PPP1R13B: variants seen among roughly 807,000 people sequenced by gnomAD.
PPP1R13B encodes the protein apoptosis-stimulating of p53 protein 1.
In PPP1R13B, 44 loss-of-function variants were observed where a neutral mutation model predicts 119.8. That is an observed-to-expected ratio of 0.37 (90% CI 0.29 to 0.47). The LOEUF is 0.47. Ranked by LOEUF, PPP1R13B falls within the 20% of genes least tolerant of loss-of-function variation. The pLI, the probability that PPP1R13B is intolerant of heterozygous loss-of-function variation, is 0.99. For missense variants in PPP1R13B, 1,227 were observed against 1,413.5 expected, an observed-to-expected ratio of 0.87 and a Z score of 2.12; for synonymous variants, 542 against 561.5, an observed-to-expected ratio of 0.97 and a Z score of 0.49.
At chr14:103,826,858 A>C (rs895432685) in intron 1 of PPP1R13B, among the ~76,000 whole-genome samples, 3 of 151,564 alleles carry the variant, frequency 2.0e-5, no homozygotes, top group Admixed American at 1.3e-4. Context: ...AATACAAAAA[A>C]AAAATTAGCT....
chr14:103,772,160 T>C (rs2085085462), intron 4 of PPP1R13B, among the ~76,000 whole-genome samples: 1 of 147,832 alleles, frequency 6.8e-6, no homozygotes, highest in Non-Finnish European at 1.5e-5. Flanking sequence ...TGTTGTAGCA[T>C]GTATTAGTAG....
At position 103,757,684 on chromosome 14, in the gene PPP1R13B, T is replaced by G; in HGVS notation, c.422A>C (p.Gln141Pro). Residue 141 changes from glutamine (Q) to proline (P), a missense_variant, in exon 5 of 17, where the codon CAG becomes CCG. Coordinates refer to ENST00000202556, the MANE Select transcript of PPP1R13B (RefSeq NM_015316.3). Reference protein sequence around the residue: ...LQDMAARQQQQIENQQQMLVA... With the variant: ...LQDMAARQQQPIENQQQMLVA... ...CAACATCTGCTGCTGATTTTCAATC[T>G]GCTGCTGTTGCCTAGCTGCCATATC... The G allele has an allele frequency of 3.1e-6, 5 of 1,614,138 alleles. No homozygotes were observed. The highest frequency in any genetic ancestry group is 4.2e-6 in the Non-Finnish European group (5 of 1,179,972).
chr14:103,834,283 C>T (rs555359228), intron 1 of PPP1R13B, among the ~76,000 whole-genome samples: 4 of 152,130 alleles, frequency 2.6e-5, no homozygotes, highest in Admixed American at 6.5e-5. Flanking sequence ...GGCTGAGGCA[C>T]GAGAATCACT....
intron 1 of PPP1R13B, among the ~76,000 whole-genome samples, chr14:103,830,809 T>TG (rs1253140318): frequency 1.2e-4 from 18 of 152,172 alleles, no homozygotes; most frequent in African/African-American, 4.3e-4. Context: ...ATTGAGAACC[T>TG]AGGGTATGGT....
At chr14:103,739,190 G>C (rs1263695156) in intron 12 of PPP1R13B, 167 bp from the exon 13 acceptor site, 1 of 846,108 alleles carries the variant, frequency 1.2e-6, no homozygotes, top group East Asian at 2.6e-5. Flanking sequence ...CTCAAATAAG[G>C]GCCAGGGCCA....
At chr14:103,778,644 G>A in intron 4 of PPP1R13B, 101 bp downstream of exon 4, 1 of 885,126 alleles carries the variant, frequency 1.1e-6, no homozygotes, top group Non-Finnish European at 1.9e-6. Flanking sequence ...GCCCTCATGT[G>A]ATCCTCCCAC....
At chr14:103,767,125 G>A (rs1261868167) in intron 4 of PPP1R13B, among the ~76,000 whole-genome samples, 10 of 152,070 alleles carry the variant, frequency 6.6e-5, no homozygotes, top group Non-Finnish European at 1.5e-4. Context: ...AAGCCAGCCT[G>A]GGCAACATAT....
chr14:103,769,103 T>A (rs2085004575), intron 4 of PPP1R13B, among the ~76,000 whole-genome samples: 1 of 152,230 alleles, frequency 6.6e-6, no homozygotes, highest in South Asian at 2.1e-4. Context: ...TTCTGTTTTT[T>A]GAGATGGAGT....
In PPP1R13B at chr14:103,764,433, T is replaced by C; in HGVS notation, c.355-6682A>G. On this transcript the variant is annotated intron_variant, in intron 4 of 16. Coordinates refer to ENST00000202556, the MANE Select transcript of PPP1R13B (RefSeq NM_015316.3). ...GAGATGTCTATTTTTAAGTTGGTTGTCTTCTTCTTGTTGAATTGTAACAGT... is the reference window on the plus strand; with the variant it reads ...GAGATGTCTATTTTTAAGTTGGTTGCCTTCTTCTTGTTGAATTGTAACAGT... 3 of 348,986 alleles carry C rather than the reference T, an allele frequency of 8.6e-6. 1 individual carries two copies. The highest frequency in any genetic ancestry group is 6.6e-5 in the South Asian group (3 of 45,712). The allele number at this position is 348,986 out of a possible 1,614,324, so 21.6% of individuals were successfully genotyped here. A position where few individuals can be genotyped will look rare whatever the true frequency, so the allele number is the denominator to read the frequency against.
In PPP1R13B at chr14:103,746,408, A is replaced by G; in HGVS notation, c.1115T>C (p.Ile372Thr). 2 of 1,613,136 alleles carry G rather than the reference A, an allele frequency of 1.2e-6. No individual in the cohort carries two copies. The highest frequency in any genetic ancestry group is 1.7e-4 in the Middle Eastern group (1 of 6,056). Residue 372 changes from isoleucine to threonine, a missense_variant, in exon 9 of 17, where the codon ATT becomes ACT. By Grantham distance (89) the Ile-to-Thr change is moderately conservative. Transcript: ENST00000202556. Reference sequence around the variant, plus strand: ...TCTTCCATGAGCAGCATTTGAGGCAATACTGAGAGACTGGGGCTTTATAGG... The same window carrying G: ...TCTTCCATGAGCAGCATTTGAGGCAGTACTGAGAGACTGGGGCTTTATAGG... ...GDPIKPQSLS[I>T]ASNAAHGRSK...
intron 1 of PPP1R13B, among the ~76,000 whole-genome samples, chr14:103,839,090 G>A (rs570567857): frequency 6.6e-5 from 10 of 152,098 alleles, no homozygotes; most frequent in Non-Finnish European, 1.2e-4. Context: ...TCTGCTCACC[G>A]CAATCTCTGC....
At chr14:103,779,752 G>T (rs561956839) in intron 3 of PPP1R13B, among the ~76,000 whole-genome samples, 14 of 152,086 alleles carry the variant, frequency 9.2e-5, no homozygotes, top group African/African-American at 3.4e-4. Context: ...GCACCATTGC[G>T]CTCCAGCCCA....
Position 103,733,555 on chromosome 14 carries a change from G to T in PPP1R13B, c.*1599C>A, listed in dbSNP as rs993066626. ...TGATCCTTTGATACTTCACCAAGGG[G>T]AACGTGGGGGCTTTGTGTTTTGTAC... is the stretch of plus-strand genomic sequence containing the variant. On this transcript the variant is annotated 3_prime_UTR_variant, in exon 17 of 17. Coordinates refer to ENST00000202556, the MANE Select transcript of PPP1R13B (RefSeq NM_015316.3). 2.6e-5 allele frequency: 4 copies of T among 153,400 alleles called. No individual in the cohort carries two copies. In the East Asian group the frequency reaches 7.7e-4, roughly 29 times the overall value. The allele number at this position is 153,400 out of a possible 1,614,324, so 9.5% of individuals were successfully genotyped here. A position where few individuals can be genotyped will look rare whatever the true frequency, so the allele number is the denominator to read the frequency against.
intron 1 of PPP1R13B, among the ~76,000 whole-genome samples, chr14:103,825,408 G>A (rs1377713613): frequency 6.6e-6 from 1 of 152,164 alleles, no homozygotes; most frequent in Non-Finnish European, 1.5e-5. Context: ...AGCTGAGATA[G>A]GCTGAAAGCT....
intron 16 of PPP1R13B, among the ~76,000 whole-genome samples, chr14:103,735,488 G>A (rs1015129712): frequency 2.6e-5 from 4 of 152,226 alleles, no homozygotes; most frequent in African/African-American, 9.7e-5. Flanking sequence ...GTCTCTGCCT[G>A]GCTCCCTGCT....
At chr14:103,775,926 T>C (rs549515483) in intron 4 of PPP1R13B, among the ~76,000 whole-genome samples, 2 of 152,120 alleles carry the variant, frequency 1.3e-5, no homozygotes, top group South Asian at 2.1e-4. Flanking sequence ...AGAAGGATTA[T>C]GATATTGAAA....
intron 4 of PPP1R13B, among the ~76,000 whole-genome samples, chr14:103,774,965 T>G (rs1188699482): frequency 6.6e-6 from 1 of 152,200 alleles, no homozygotes; most frequent in Non-Finnish European, 1.5e-5. Flanking sequence ...ACAAGCCACA[T>G]AAAGGATAAA....
chr14:103,836,679 A>C (rs1265684942), intron 1 of PPP1R13B, among the ~76,000 whole-genome samples: 3 of 151,788 alleles, frequency 2.0e-5, no homozygotes, highest in African/African-American at 7.3e-5. Context: ...CTGAGGCAGG[A>C]GAATCACTCA....
rs1431485672 is a variant in PPP1R13B at position 103,740,125 on chromosome 14, T to C, written c.2291A>G (p.Asn764Ser). The change falls in exon 12 of 17, where the codon AAT becomes AGT. Residue 764 changes from asparagine to serine, a missense_variant. Physicochemically the swap from Asn to Ser is conservative, Grantham distance 46 (BLOSUM62 1). Coordinates refer to ENST00000202556, the MANE Select transcript of PPP1R13B (RefSeq NM_015316.3). The surrounding 1 kb of genome is among the most constrained non-coding windows in gnomAD (Gnocchi z 4.6). ...TLADVDNGNT[N>S]ANGNLEELPP... ...GAGCTCTTCCAGGTTTCCATTGGCA[T>C]TGGTGTTTCCATTGTCCACATCGGC... The C allele has an allele frequency of 6.8e-6, 11 of 1,613,488 alleles. No individual in the cohort carries two copies. The highest frequency in any genetic ancestry group is 9.3e-6 in the Non-Finnish European group (11 of 1,180,018).
Sources: gnomAD v4.1 joint callset for allele counts (sites outside exome capture counted in the v4.1 genomes callset) on GRCh38, gnomAD v4.1.1 for gene constraint, Gnocchi (gnomAD v3.1) non-coding constraint, MANE v1.5 for transcripts, NCBI Gene and HGNC (gene_info 2026-07-23, HGNC 2026-07-21) for gene names.